Variants in ROBO2 observed in about 807,000 individuals in gnomAD.
ROBO2 encodes roundabout homolog 2.
Under a neutral mutation model 160.8 loss-of-function variants are expected in ROBO2, and 53 were observed. The ratio of observed to expected loss-of-function variants is 0.33; its 90% confidence interval spans 0.26 to 0.41. ROBO2 has a LOEUF of 0.41. Among genes scored for constraint, ROBO2 ranks in the 10% least tolerant of loss-of-function variants. The pLI is 1.00. For synonymous variants in ROBO2, 664 were observed against 611.7 expected, an observed-to-expected ratio of 1.09 and a Z score of -1.26; for missense variants, 1,577 against 1,722.4, an observed-to-expected ratio of 0.92 and a Z score of 1.49.
intron 1 of ROBO2, among the ~76,000 whole-genome samples, chr3:77,053,844 A>G (rs554831414): frequency 5.9e-5 from 9 of 152,264 alleles, no homozygotes; most frequent in Non-Finnish European, 8.8e-5. Context: ...AAGCAATAAC[A>G]CTGAAAGGGC....
At chr3:76,759,726 C>T (rs1423249916) in intron 2 of ROBO2, among the ~76,000 whole-genome samples, 1 of 151,658 alleles carries the variant, frequency 6.6e-6, no homozygotes, top group South Asian at 2.1e-4. Context: ...ACTAACTTGC[C>T]TAGGGGTTAA....
intron 2 of ROBO2, among the ~76,000 whole-genome samples, chr3:76,862,809 AC>A (rs143078538): frequency 6.6e-6 from 1 of 152,242 alleles, no homozygotes; most frequent in African/African-American, 2.4e-5. Flanking sequence ...TAGATTAAAA[AC>A]AATAATATTT....
At chr3:77,502,623 A>G (rs907812093) in intron 5 of ROBO2, among the ~76,000 whole-genome samples, 1 of 152,164 alleles carries the variant, frequency 6.6e-6, no homozygotes, top group African/African-American at 2.4e-5. Flanking sequence ...CTCTCCATCT[A>G]TGGGTGCCAC....
chr3:76,191,502 T>C (rs1702002074), intron 2 of ROBO2, among the ~76,000 whole-genome samples: 1 of 7,454 alleles, frequency 1.3e-4, no homozygotes, highest in South Asian at 0.1. Context: ...TTAAAGCTTG[T>C]CAGAATATGT....
chr3:76,444,168 C>CG (rs1356430885), intron 2 of ROBO2, among the ~76,000 whole-genome samples: 2 of 151,878 alleles, frequency 1.3e-5, no homozygotes, highest in African/African-American at 4.8e-5. Context: ...TTAGTAGAGA[C>CG]GGGGTCTCAT....
At position 77,522,755 on chromosome 3, in the gene ROBO2, C is replaced by G. The variant is rs1181877000; in HGVS notation, c.807-20C>G. The G allele has an allele frequency of 6.2e-7, 1 of 1,604,952 alleles. No individual in the cohort carries two copies. The highest frequency in any genetic ancestry group is 1.1e-5 in the South Asian group (1 of 90,766). ...GTATAGCTACTACTATTTAATAAAA[C>G]CAGTTCATTTTCTACACAGGTATGA... On this transcript the variant is annotated intron_variant, in intron 5 of 25. Coordinates refer to ENST00000461745, the Ensembl canonical transcript of ROBO2.
intron 2 of ROBO2, among the ~76,000 whole-genome samples, chr3:76,379,008 G>C (rs550635598): frequency 1.3e-5 from 2 of 152,258 alleles, no homozygotes; most frequent in South Asian, 4.2e-4. Flanking sequence ...GTTTCCACCA[G>C]AGTAATGAAA....
chr3:77,637,255 A>G (rs1228431025), intron 24 of ROBO2, among the ~76,000 whole-genome samples: 2 of 152,210 alleles, frequency 1.3e-5, no homozygotes, highest in African/African-American at 4.8e-5. Flanking sequence ...ACTTATCATT[A>G]TAGGACAGAA....
intron 4 of ROBO2, 87 bp downstream of exon 4, chr3:77,481,306 A>G (rs2084661563): frequency 9.0e-7 from 1 of 1,112,690 alleles, no homozygotes; most frequent in South Asian, 2.5e-5. Flanking sequence ...ACTGGGCCAT[A>G]TAAGGACAGT....
chr3:76,716,536 T>A (rs1649003892), intron 2 of ROBO2, among the ~76,000 whole-genome samples: 1 of 152,106 alleles, frequency 6.6e-6, no homozygotes, highest in Non-Finnish European at 1.5e-5. Context: ...TGTAGATGAA[T>A]CTAGATTGTT....
intron 2 of ROBO2, among the ~76,000 whole-genome samples, chr3:76,450,152 T>C (rs17014198): frequency 0.047 from 7,142 of 152,210 alleles, 514 homozygotes; most frequent in African/African-American, 0.15. Context: ...GGTTTTATGT[T>C]TTTCAATGCT....
At chr3:76,628,866 T>G (rs1238929089) in intron 2 of ROBO2, among the ~76,000 whole-genome samples, 1 of 152,220 alleles carries the variant, frequency 6.6e-6, no homozygotes, top group Non-Finnish European at 1.5e-5. Flanking sequence ...TTTAAGAGTT[T>G]TTGAAATATA....
chr3:76,072,083 C>G (rs2107966102), intron 2 of ROBO2, among the ~76,000 whole-genome samples: 1 of 152,190 alleles, frequency 6.6e-6, no homozygotes, highest in African/African-American at 2.4e-5. Flanking sequence ...TCTCAAAACA[C>G]TTGTCATTTT....
At chr3:77,056,774 G>T (rs1290599231) in intron 1 of ROBO2, among the ~76,000 whole-genome samples, 1 of 152,098 alleles carries the variant, frequency 6.6e-6, no homozygotes, top group Non-Finnish European at 1.5e-5. Context: ...TTGAGGCCAT[G>T]TCGTAATCCA....
chr3:76,865,916 T>C (rs1005246522), intron 2 of ROBO2, among the ~76,000 whole-genome samples: 1 of 152,120 alleles, frequency 6.6e-6, no homozygotes, highest in African/African-American at 2.4e-5. Flanking sequence ...TAGTAGGTAC[T>C]TCAGCATGAT....
At chr3:77,561,346 G>T (rs536261396) in intron 9 of ROBO2, among the ~76,000 whole-genome samples, 36 of 152,092 alleles carry the variant, frequency 2.4e-4, no homozygotes, top group Non-Finnish European at 5.0e-4. Flanking sequence ...GACTTTGTTT[G>T]GTCATCAGTT....
intron 2 of ROBO2, among the ~76,000 whole-genome samples, chr3:77,031,635 AATTT>A (rs1431778681): frequency 2.7e-5 from 4 of 146,412 alleles, no homozygotes; most frequent in African/African-American, 7.4e-5. Flanking sequence ...ATTATATATT[AATTT>A]ATTTATATAT....
At chr3:76,700,763 C>T (rs1411037497) in intron 2 of ROBO2, among the ~76,000 whole-genome samples, 2 of 152,090 alleles carry the variant, frequency 1.3e-5, no homozygotes, top group Non-Finnish European at 2.9e-5. Flanking sequence ...AGCTTTCTCT[C>T]CTTAAGGAGG....
intron 20 of ROBO2, among the ~76,000 whole-genome samples, chr3:77,604,400 G>A (rs890402519): frequency 2.0e-5 from 3 of 151,944 alleles, no homozygotes; most frequent in Non-Finnish European, 4.4e-5. Context: ...TATAATCCAT[G>A]GATTACTTAA....
Sources: allele counts gnomAD v4.1 joint callset (sites outside exome capture counted in the v4.1 genomes callset), GRCh38; gene constraint gnomAD v4.1.1; transcripts MANE v1.5; gene names NCBI Gene and HGNC (gene_info 2026-07-23, HGNC 2026-07-21).